Variants in IPO11 observed in about 807,000 individuals in gnomAD.
The protein encoded by IPO11 is importin-11.
Under a neutral mutation model 143.2 loss-of-function variants are expected in IPO11, and 66 were observed. That is an observed-to-expected ratio of 0.46 (90% CI 0.38 to 0.57). The LOEUF (loss-of-function observed/expected upper bound fraction) is 0.57, where lower values mean the gene tolerates loss of function less well. Among genes scored for constraint, IPO11 ranks in the 20% least tolerant of loss-of-function variants. The pLI, the probability that IPO11 is intolerant of heterozygous loss-of-function variation, is 0.00. For synonymous variants in IPO11, 385 were observed against 377.8 expected, an observed-to-expected ratio of 1.02 and a Z score of -0.22; for missense variants, 1,026 against 1,141.0, an observed-to-expected ratio of 0.90 and a Z score of 1.45.
chr5:62,502,798 TTTTCC>T (rs1251002977), intron 16 of IPO11, among the ~76,000 whole-genome samples: 2 of 150,970 alleles, frequency 1.3e-5, no homozygotes, highest in Admixed American at 6.6e-5. Context: ...TTTTCTTTTC[TTTTCC>T]TTTCCTTTCC....
intron 29 of IPO11, among the ~76,000 whole-genome samples, chr5:62,617,395 C>T (rs1397940988): frequency 1.3e-5 from 2 of 152,152 alleles, no homozygotes; most frequent in Admixed American, 6.5e-5. Context: ...TATATTCTCT[C>T]CCATAGTGGA....
At chr5:62,586,759 AAAAAAAAAAATATATATATATATATATAT>A (rs568150459) in intron 27 of IPO11, among the ~76,000 whole-genome samples, 919 of 91,570 alleles carry the variant, frequency 0.01, 20 homozygotes, top group Admixed American at 0.019. Flanking sequence ...CTCCAAAAAA[AAAAAAAAAAATATATATATATATATATAT>A]ATATATATAT....
chr5:62,469,800 T>C (rs894422840), intron 6 of IPO11, among the ~76,000 whole-genome samples: 2 of 152,196 alleles, frequency 1.3e-5, no homozygotes, highest in Admixed American at 6.5e-5. Flanking sequence ...AGCAGTGTAG[T>C]TGATTCCAAA....
At chr5:62,539,001 T>C (rs1219738026) in intron 24 of IPO11, among the ~76,000 whole-genome samples, 1 of 152,172 alleles carries the variant, frequency 6.6e-6, no homozygotes, top group Non-Finnish European at 1.5e-5. Flanking sequence ...TTTTTGTGTC[T>C]GTAAATTGGA....
chr5:62,430,837 C>T (rs1743960740), intron 1 of IPO11, among the ~76,000 whole-genome samples: 1 of 151,416 alleles, frequency 6.6e-6, no homozygotes, highest in African/African-American at 2.4e-5. Flanking sequence ...ACCATCACGT[C>T]TGGCTAATTT....
intron 28 of IPO11, among the ~76,000 whole-genome samples, chr5:62,599,101 G>A (rs1207458117): frequency 6.6e-6 from 1 of 152,162 alleles, no homozygotes. Context: ...AGATTCTCAG[G>A]CTCCATCAAA....
intron 29 of IPO11, among the ~76,000 whole-genome samples, chr5:62,613,297 T>TG (rs1297900988): frequency 8.1e-6 from 1 of 123,186 alleles, no homozygotes; most frequent in African/African-American, 3.2e-5. Context: ...CACATGCTCT[T>TG]CTTTTTTTTT....
At chr5:62,419,586 C>T (rs1344550556) in intron 1 of IPO11, among the ~76,000 whole-genome samples, 2 of 152,272 alleles carry the variant, frequency 1.3e-5, no homozygotes, top group Middle Eastern at 6.8e-3. Context: ...ATGGAGCTGT[C>T]ATCTTCTATG....
chr5:62,523,477 A>G (rs905253835), intron 20 of IPO11, among the ~76,000 whole-genome samples: 1 of 152,196 alleles, frequency 6.6e-6, no homozygotes, highest in Non-Finnish European at 1.5e-5. Context: ...CACTGAGGAC[A>G]CTAGTTTGGA....
At chr5:62,425,603 C>A (rs1743704981) in intron 1 of IPO11, among the ~76,000 whole-genome samples, 1 of 152,182 alleles carries the variant, frequency 6.6e-6, no homozygotes, top group African/African-American at 2.4e-5. Flanking sequence ...TAGGCGTGAG[C>A]CACCACGCCT....
intron 29 of IPO11, among the ~76,000 whole-genome samples, chr5:62,604,109 A>G (rs930100192): frequency 6.6e-6 from 1 of 152,240 alleles, no homozygotes; most frequent in Admixed American, 6.5e-5. Flanking sequence ...GAACTTGCCT[A>G]ACAATGCATT....
chr5:62,549,073 C>T (rs1178162254), intron 24 of IPO11, among the ~76,000 whole-genome samples: 1 of 145,324 alleles, frequency 6.9e-6, no homozygotes, highest in East Asian at 2.0e-4. Context: ...ATCTTTTTTC[C>T]CAGATCTAGT....
chr5:62,592,684 T>C (rs1745068615), intron 28 of IPO11, among the ~76,000 whole-genome samples: 1 of 152,114 alleles, frequency 6.6e-6, no homozygotes. Flanking sequence ...TCAGGAAACC[T>C]ACTGTCATGG....
At chr5:62,606,225 A>G (rs71617441) in intron 29 of IPO11, among the ~76,000 whole-genome samples, 11,655 of 151,522 alleles carry the variant, frequency 0.077, 506 homozygotes, top group East Asian at 0.14. Context: ...TTATGCCTGT[A>G]ATCCCAGTAC....
chr5:62,539,359 A>G (rs150707081), intron 24 of IPO11, among the ~76,000 whole-genome samples: 3 of 152,272 alleles, frequency 2.0e-5, no homozygotes, highest in South Asian at 2.1e-4. Context: ...TTCTCCTGGT[A>G]TCTGTCTGTG....
chr5:62,575,379 C>T (rs1267443565), intron 27 of IPO11, among the ~76,000 whole-genome samples: 2 of 152,164 alleles, frequency 1.3e-5, no homozygotes, highest in Non-Finnish European at 2.9e-5. Flanking sequence ...TTGCCATGGT[C>T]TCTTACTCCT....
At chr5:62,526,448 A>G (rs1742373385) in intron 21 of IPO11, 191 bp downstream of exon 21, 1 of 416,484 alleles carries the variant, frequency 2.4e-6, no homozygotes. Context: ...AGACAAAGTT[A>G]AAGGGGGACA....
At chr5:62,455,224 GT>G (rs1745089448) in intron 5 of IPO11, among the ~76,000 whole-genome samples, 3 of 152,134 alleles carry the variant, frequency 2.0e-5, no homozygotes, top group Admixed American at 2.0e-4. Context: ...TACCAAATTA[GT>G]TTCCTACATA....
chr5:62,538,535 G>C (rs1456709444), intron 24 of IPO11, among the ~76,000 whole-genome samples: 1 of 152,128 alleles, frequency 6.6e-6, no homozygotes, highest in Non-Finnish European at 1.5e-5. Context: ...GCTTCGCTCA[G>C]CACTTCTTCC....
Sources: gnomAD v4.1 joint callset for allele counts (sites outside exome capture counted in the v4.1 genomes callset) on GRCh38, gnomAD v4.1.1 for gene constraint, MANE v1.5 for transcripts, NCBI Gene and HGNC (gene_info 2026-07-23, HGNC 2026-07-21) for gene names.